Variants in HS6ST3 observed in about 807,000 individuals in gnomAD.
HS6ST3 encodes the protein heparan-sulfate 6-O-sulfotransferase 3.
Under a neutral mutation model 36.7 loss-of-function variants are expected in HS6ST3, and 12 were observed. That is an observed-to-expected ratio of 0.33 (90% CI 0.21 to 0.53). The LOEUF is 0.53. Among genes scored for constraint, HS6ST3 ranks in the 20% least tolerant of loss-of-function variants. The pLI, the probability that HS6ST3 is intolerant of heterozygous loss-of-function variation, is 0.95. For missense variants in HS6ST3, 584 were observed against 640.9 expected, an observed-to-expected ratio of 0.91 and a Z score of 0.96; for synonymous variants, 240 against 257.5, an observed-to-expected ratio of 0.93 and a Z score of 0.65.
At chr13:96,332,163 C>A (rs148378620) in intron 1 of HS6ST3, among the ~76,000 whole-genome samples, 1 of 152,214 alleles carries the variant, frequency 6.6e-6, no homozygotes, top group Non-Finnish European at 1.5e-5. Context: ...GTGCTGGGAG[C>A]TGTAGACCAG....
At chr13:96,395,403 T>C (rs1249903391) in intron 1 of HS6ST3, among the ~76,000 whole-genome samples, 2 of 152,208 alleles carry the variant, frequency 1.3e-5, no homozygotes, top group African/African-American at 4.8e-5. Context: ...TCTGCTGTTA[T>C]AATAAGAATA....
intron 1 of HS6ST3, among the ~76,000 whole-genome samples, chr13:96,332,178 G>A (rs1013319046): frequency 6.6e-6 from 1 of 152,152 alleles, no homozygotes; most frequent in Non-Finnish European, 1.5e-5. Flanking sequence ...GACCAGAGCT[G>A]TTCCTATTCG....
chr13:96,510,240 AC>A (rs2056044035), intron 1 of HS6ST3, among the ~76,000 whole-genome samples: 1 of 152,062 alleles, frequency 6.6e-6, no homozygotes, highest in Non-Finnish European at 1.5e-5. Context: ...TGATTTTATA[AC>A]CAGAGACTTT....
chr13:96,230,491 G>C (rs1302244646), intron 1 of HS6ST3, among the ~76,000 whole-genome samples: 1 of 152,118 alleles, frequency 6.6e-6, no homozygotes, highest in South Asian at 2.1e-4. Context: ...ATATGGGTCT[G>C]GAGATGCAGA....
chr13:96,557,808 A>T (rs2138953022), intron 1 of HS6ST3, among the ~76,000 whole-genome samples: 1 of 152,270 alleles, frequency 6.6e-6, no homozygotes, highest in South Asian at 2.1e-4. Flanking sequence ...ACAGAATAAG[A>T]CAGTGATTAG....
chr13:96,435,708 C>T (rs1184090338), intron 1 of HS6ST3, among the ~76,000 whole-genome samples: 4 of 152,136 alleles, frequency 2.6e-5, no homozygotes, highest in African/African-American at 4.8e-5. Flanking sequence ...AGGGTCCTTT[C>T]CCTCAACCTG....
At chr13:96,341,059 TAA>T in intron 1 of HS6ST3, among the ~76,000 whole-genome samples, 1 of 152,204 alleles carries the variant, frequency 6.6e-6, no homozygotes, top group Non-Finnish European at 1.5e-5. Flanking sequence ...AAATAATCTA[TAA>T]AATATTCTTT....
At chr13:96,173,669 TAAAAAA>T in intron 1 of HS6ST3, among the ~76,000 whole-genome samples, 1 of 94,866 alleles carries the variant, frequency 1.1e-5, no homozygotes, top group Admixed American at 1.3e-4. Flanking sequence ...TCACAGGTTG[TAAAAAA>T]AAAAAAAAAA....
At chr13:96,651,611 T>C (rs1474452052) in intron 1 of HS6ST3, among the ~76,000 whole-genome samples, 1 of 152,074 alleles carries the variant, frequency 6.6e-6, no homozygotes, top group Non-Finnish European at 1.5e-5. Context: ...CTGTTAAAAT[T>C]AGATAAAAAA....
intron 1 of HS6ST3, among the ~76,000 whole-genome samples, chr13:96,492,221 T>G (rs1157011463): frequency 6.6e-6 from 1 of 152,216 alleles, no homozygotes; most frequent in African/African-American, 2.4e-5. Context: ...TCATTCTCTC[T>G]GCTTTTGCTG....
At chr13:96,587,224 G>A (rs982526993) in intron 1 of HS6ST3, among the ~76,000 whole-genome samples, 22 of 151,826 alleles carry the variant, frequency 1.4e-4, no homozygotes, top group Non-Finnish European at 2.5e-4. Context: ...CAGGTATTAA[G>A]ATGCCTCCAG....
At chr13:96,219,829 G>T (rs941522120) in intron 1 of HS6ST3, among the ~76,000 whole-genome samples, 12 of 152,036 alleles carry the variant, frequency 7.9e-5, no homozygotes, top group African/African-American at 2.4e-4. Flanking sequence ...GACTACAGGC[G>T]CGTGCCACCA....
At chr13:96,603,267 G>A (rs914779220) in intron 1 of HS6ST3, among the ~76,000 whole-genome samples, 11 of 152,174 alleles carry the variant, frequency 7.2e-5, no homozygotes, top group East Asian at 5.8e-4. Flanking sequence ...CCATGATGCC[G>A]ATTTCTGTCA....
chr13:96,477,332 G>A (rs1260501831), intron 1 of HS6ST3, among the ~76,000 whole-genome samples: 1 of 152,190 alleles, frequency 6.6e-6, no homozygotes, highest in East Asian at 1.9e-4. Flanking sequence ...CTTTAGGAAT[G>A]AAAACAGCAA....
intron 1 of HS6ST3, among the ~76,000 whole-genome samples, chr13:96,213,664 A>G (rs1286731633): frequency 6.6e-6 from 1 of 152,138 alleles, no homozygotes; most frequent in Non-Finnish European, 1.5e-5. Context: ...CTCTTTATAA[A>G]AGGAGAGAAA....
At chr13:96,440,015 A>G (rs4771949) in intron 1 of HS6ST3, among the ~76,000 whole-genome samples, 48,636 of 152,090 alleles carry the variant, frequency 0.32, 7,848 homozygotes, top group South Asian at 0.44. Flanking sequence ...ATTTACTGAT[A>G]TGTTGATAGA....
intron 1 of HS6ST3, among the ~76,000 whole-genome samples, chr13:96,304,707 CTTTCTT>C (rs1190451875): frequency 8.7e-5 from 8 of 92,196 alleles, no homozygotes; most frequent in African/African-American, 3.4e-4. Flanking sequence ...TTCTTTCTTT[CTTTCTT>C]TTTTTTTTTT....
At chr13:96,244,043 A>G (rs1007150939) in intron 1 of HS6ST3, among the ~76,000 whole-genome samples, 7 of 152,166 alleles carry the variant, frequency 4.6e-5, no homozygotes, top group Non-Finnish European at 7.4e-5. Context: ...TTCAAATTAA[A>G]ATGAATGTAG....
chr13:96,237,862 A>G (rs1207170212), intron 1 of HS6ST3, among the ~76,000 whole-genome samples: 1 of 152,012 alleles, frequency 6.6e-6, no homozygotes, highest in Admixed American at 6.6e-5. Flanking sequence ...GTTTTTCTTC[A>G]TATCTCACTC....
Sources: gnomAD v4.1 joint callset for allele counts (sites outside exome capture counted in the v4.1 genomes callset) on GRCh38, gnomAD v4.1.1 for gene constraint, MANE v1.5 for transcripts, NCBI Gene and HGNC (gene_info 2026-07-23, HGNC 2026-07-21) for gene names.